Variants in KLRG2 observed in about 807,000 individuals in gnomAD.
The protein encoded by KLRG2 is killer cell lectin like receptor G2.
Under a neutral mutation model 35.4 loss-of-function variants are expected in KLRG2, and 39 were observed. The observed-to-expected ratio is 1.10, with a 90% confidence interval of 0.85 to 1.44. The LOEUF (loss-of-function observed/expected upper bound fraction) is 1.44, where lower values mean the gene tolerates loss of function less well. KLRG2 is among the 40% of genes most tolerant of loss of function. The probability of loss-of-function intolerance (pLI) is 0.00; values close to 1 mark genes in which losing one functional copy is unlikely to be tolerated. For synonymous variants in KLRG2, 283 were observed against 265.8 expected (o/e 1.06, Z -0.63); for missense variants, 632 against 570.9 (o/e 1.11, Z -1.09).
intron 3 of KLRG2, among the ~76,000 whole-genome samples, chr7:139,455,122 G>A (rs958573910): frequency 4.1e-5 from 6 of 148,076 alleles, no homozygotes; most frequent in South Asian, 2.1e-4. Context: ...AGGTTCAACC[G>A]ATTCTCCCGC....
chr7:139,472,324 A>G (rs1213612880), intron 3 of KLRG2, among the ~76,000 whole-genome samples: 1 of 152,222 alleles, frequency 6.6e-6, no homozygotes, highest in Admixed American at 6.5e-5. Flanking sequence ...AAAAGGAGAA[A>G]CAAAAAAGAT....
intron 3 of KLRG2, among the ~76,000 whole-genome samples, chr7:139,462,459 G>C (rs1796584906): frequency 6.6e-6 from 1 of 151,768 alleles, no homozygotes. Flanking sequence ...TTCTCTCCGT[G>C]TCTCTACCCT....
At chr7:139,456,011 A>G (rs2116428912) in intron 3 of KLRG2, among the ~76,000 whole-genome samples, 1 of 152,238 alleles carries the variant, frequency 6.6e-6, no homozygotes, top group Non-Finnish European at 1.5e-5. Flanking sequence ...TAAATATGAA[A>G]TCATGCCATG....
intron 3 of KLRG2, among the ~76,000 whole-genome samples, chr7:139,454,817 CAAAATAATAATAATA>C (rs1457845096): frequency 8.6e-6 from 1 of 116,004 alleles, no homozygotes; most frequent in Admixed American, 8.8e-5. Flanking sequence ...AATTCTATCT[CAAAATAATAATAATA>C]ATAATAATAA....
the KLRG2 span, among the ~76,000 whole-genome samples, chr7:139,434,052 G>C: frequency 6.6e-6 from 1 of 152,174 alleles, no homozygotes; most frequent in African/African-American, 2.4e-5. Flanking sequence ...GAGCTGAAAG[G>C]CTCCTGATGT....
chr7:139,451,392 C>G (rs1164976040), downstream of KLRG2, among the ~76,000 whole-genome samples: 4 of 152,174 alleles, frequency 2.6e-5, no homozygotes, highest in East Asian at 5.8e-4. Flanking sequence ...CCCAGCTACT[C>G]AGGAGGCTGA....
At chr7:139,464,703 C>T (rs764519566) in intron 3 of KLRG2, among the ~76,000 whole-genome samples, 1 of 152,216 alleles carries the variant, frequency 6.6e-6, no homozygotes, top group Non-Finnish European at 1.5e-5. Flanking sequence ...AGAGCCAGGA[C>T]CGCGCCCTGT....
At position 139,467,407 on chromosome 7, in the gene KLRG2, T is replaced by C. The variant is rs117982443; in HGVS notation, c.1005+12220A>G. Among the ~76,000 whole-genome samples the C allele has an allele frequency of 3.4e-3, 520 of 152,220 alleles. 14 individuals carry two copies. In the East Asian group the frequency reaches 0.074, roughly 22 times the overall value. On this transcript the variant is annotated intron_variant, in intron 3 of 4. Coordinates refer to ENST00000340940, the MANE Select transcript of KLRG2 (RefSeq NM_198508.4). ...AGAAGTGAAAATGGCCTATTCCTTG[T>C]GGGGAAAAGAAAGACAGATCAGATT...
chr7:139,443,156 G>A, the KLRG2 span, among the ~76,000 whole-genome samples: 3 of 142,198 alleles, frequency 2.1e-5, no homozygotes, highest in Admixed American at 2.2e-4. Flanking sequence ...GTCTAGTGGT[G>A]TGATCTTGGC....
intron 3 of KLRG2, among the ~76,000 whole-genome samples, chr7:139,454,834 TAATAATAATAATAA>T (rs1345831189): frequency 8.0e-5 from 6 of 75,012 alleles, no homozygotes; most frequent in East Asian, 4.0e-4. Context: ...ATAATAATAA[TAATAATAATAATAA>T]TAATAATAAT....
At chr7:139,445,789 ATATGTGTG>A in the KLRG2 span, among the ~76,000 whole-genome samples, 5 of 126,324 alleles carry the variant, frequency 4.0e-5, no homozygotes, top group African/African-American at 2.3e-4. Flanking sequence ...ATGTATATAT[ATATGTGTG>A]TATATATATA....
chr7:139,451,275 G>A (rs1189283099), downstream of KLRG2, among the ~76,000 whole-genome samples: 4 of 152,160 alleles, frequency 2.6e-5, no homozygotes, highest in South Asian at 2.1e-4. Context: ...CGAGGCAGGC[G>A]GCTCACCTGA....
chr7:139,477,356 C>T (rs918734673), intron 3 of KLRG2, among the ~76,000 whole-genome samples: 16 of 152,084 alleles, frequency 1.1e-4, no homozygotes, highest in Admixed American at 2.0e-4. Flanking sequence ...AACAAATAAG[C>T]AAAATGTGGT....
At chr7:139,481,157 A>G (rs887437766) in intron 1 of KLRG2, among the ~76,000 whole-genome samples, 48 of 152,252 alleles carry the variant, frequency 3.2e-4, no homozygotes, top group African/African-American at 1.1e-3. Context: ...GACCTAAGAA[A>G]AGCCCAGAAG....
At chr7:139,429,973 C>A in the KLRG2 span, among the ~76,000 whole-genome samples, 1 of 152,132 alleles carries the variant, frequency 6.6e-6, no homozygotes, top group African/African-American at 2.4e-5. Context: ...GCTGACCCCC[C>A]CCATATGGGT....
chr7:139,465,009 C>A lies in KLRG2; in HGVS notation c.1006-10795G>T, dbSNP rs1158155190. The stretch of plus-strand genomic sequence containing the variant: ...CTCCCACATTATTCCTGATACCACA[C>A]CTGACATTCACTCCAATTCCCCATA... On this transcript the variant is annotated intron_variant, in intron 3 of 4. Transcript: ENST00000340940. 6.6e-5 allele frequency among the ~76,000 whole-genome samples: 10 copies of A among 152,228 alleles called. No homozygotes were observed. The East Asian group carries it at 1.9e-3, about 29-fold the overall frequency.
chr7:139,454,572 T>C (rs1585161447), intron 3 of KLRG2, among the ~76,000 whole-genome samples: 1 of 151,730 alleles, frequency 6.6e-6, no homozygotes, highest in African/African-American at 2.4e-5. Context: ...TCCCAGCACA[T>C]TGGGAGGCCG....
intron 3 of KLRG2, 139 bp downstream of exon 3, chr7:139,479,488 T>C: frequency 1.2e-6 from 1 of 854,576 alleles, no homozygotes; most frequent in Non-Finnish European, 1.8e-6. Context: ...CTGCACGAAG[T>C]TATGGTCATG....
chr7:139,451,408 G>A (rs1456099291), downstream of KLRG2, among the ~76,000 whole-genome samples: 2 of 152,154 alleles, frequency 1.3e-5, no homozygotes, highest in Non-Finnish European at 2.9e-5. Context: ...GCTGAGGCAG[G>A]AGAATCATTT....
Sources: gnomAD v4.1 joint callset for allele counts (sites outside exome capture counted in the v4.1 genomes callset) on GRCh38, gnomAD v4.1.1 for gene constraint, MANE v1.5 for transcripts, NCBI Gene and HGNC (gene_info 2026-07-23, HGNC 2026-07-21) for gene names.